TBX5: variants seen among roughly 807,000 people sequenced by gnomAD.
TBX5 encodes T-box transcription factor TBX5.
TBX5 carries 8 observed loss-of-function variants against 51.1 expected under a neutral mutation model. The ratio of observed to expected loss-of-function variants is 0.16; its 90% CI spans 0.09 to 0.28. The LOEUF (loss-of-function observed/expected upper bound fraction) is 0.28, where lower values mean the gene tolerates loss of function less well. Ranked by LOEUF, TBX5 falls within the 10% of genes least tolerant of loss-of-function variation. TBX5 has a pLI of 1.00. For missense variants in TBX5, 589 were observed against 671.7 expected (o/e 0.88, Z 1.36); for synonymous variants, 302 against 266.4 (o/e 1.13, Z -1.30).
intron 7 of TBX5, among the ~76,000 whole-genome samples, chr12:114,370,068 A>T (rs1301696467): frequency 2.6e-5 from 4 of 151,980 alleles, no homozygotes; most frequent in Admixed American, 2.6e-4. Context: ...CAGTCTGGTC[A>T]ACATGACGAA....
chr12:114,403,602 A>G, intron 2 of TBX5, 150 bp downstream of exon 2: 2 of 1,238,506 alleles, frequency 1.6e-6, no homozygotes, highest in South Asian at 1.5e-5. Flanking sequence ...GAGTGGGAAT[A>G]AAAAGGAAAA....
At chr12:114,407,990 T>G (rs1030988532), upstream of TBX5, 23 of 985,228 alleles carry the variant, frequency 2.3e-5, no homozygotes, top group Non-Finnish European at 2.7e-5. Context: ...TGGTTTGTGG[T>G]CTCCGACAAA....
At chr12:114,396,239 G>A (rs556511011) in intron 5 of TBX5, among the ~76,000 whole-genome samples, 1 of 151,852 alleles carries the variant, frequency 6.6e-6, no homozygotes, top group African/African-American at 2.4e-5. Context: ...GCCGTGGCCC[G>A]GCCGCCTCCC....
intron 6 of TBX5, among the ~76,000 whole-genome samples, chr12:114,390,909 T>C (rs1416663354): frequency 6.6e-6 from 1 of 152,200 alleles, no homozygotes. Context: ...TTTAAATATC[T>C]TTTTTAAGCT....
At chr12:114,381,928 A>C (rs1309873437) in intron 7 of TBX5, among the ~76,000 whole-genome samples, 4 of 152,208 alleles carry the variant, frequency 2.6e-5, no homozygotes, top group Non-Finnish European at 5.9e-5. Flanking sequence ...GGTTTGACTC[A>C]ACATGTCAAT....
chr12:114,397,058 C>T (rs1871471322), intron 5 of TBX5, among the ~76,000 whole-genome samples: 2 of 152,160 alleles, frequency 1.3e-5, no homozygotes, highest in South Asian at 2.1e-4. Flanking sequence ...GATCCTCTTC[C>T]CATCCCAGAT....
chr12:114,393,715 T>G (rs1871276385), intron 6 of TBX5, among the ~76,000 whole-genome samples: 1 of 152,080 alleles, frequency 6.6e-6, no homozygotes, highest in East Asian at 1.9e-4. Flanking sequence ...GGGTCTGACT[T>G]TCACACAATC....
upstream of TBX5, chr12:114,408,307 T>G: frequency 1.3e-6 from 1 of 762,844 alleles, no homozygotes; most frequent in Non-Finnish European, 1.6e-6. Flanking sequence ...AAGACACAAA[T>G]AGAGCCAAGA....
chr12:114,407,109 CTGTGTAA>C, upstream of TBX5: 1 of 985,360 alleles, frequency 1.0e-6, no homozygotes, highest in Non-Finnish European at 1.2e-6. Flanking sequence ...AGGTCAGCAG[CTGTGTAA>C]CCCTCTGTGA....
At chr12:114,394,483 C>A (rs553284895) in intron 6 of TBX5, among the ~76,000 whole-genome samples, 1 of 152,116 alleles carries the variant, frequency 6.6e-6, no homozygotes, top group Non-Finnish European at 1.5e-5. Flanking sequence ...GTGTGTGGCC[C>A]ATCTATGGTT....
rs1442553793 is a variant in TBX5 at position 114,398,579 on chromosome 12, A to T, written c.504T>A (p.Phe168Leu). 1 of 1,613,290 alleles carries T rather than the reference A, an allele frequency of 6.2e-7. No homozygotes were observed. The highest frequency in any genetic ancestry group is 8.5e-7 in the Non-Finnish European group (1 of 1,179,744). The change falls in exon 5 of 9, where the codon TTT (phenylalanine) becomes TTA (leucine). Residue 168 changes from phenylalanine to leucine, a missense_variant. Physicochemically the swap from Phe to Leu is conservative, Grantham distance 22. Around this residue, in one of 7 missense-constraint regions of TBX5, gnomAD observed 20 missense variants for 50.9 expected, o/e 0.39. Coordinates refer to ENST00000405440, the MANE Select transcript of TBX5 (RefSeq NM_181486.4). ...LKLTNNHLDPFGHIILNSMHK... is the reference protein window; with the variant it reads ...LKLTNNHLDPLGHIILNSMHK... Reference sequence around the variant, plus strand: ...TCCAGGCCACGGTACTCACATGCCCAAATGGGTCCAGGTGGTTGTTGGTGA... The same window carrying T: ...TCCAGGCCACGGTACTCACATGCCCTAATGGGTCCAGGTGGTTGTTGGTGA...
intron 8 of TBX5, among the ~76,000 whole-genome samples, chr12:114,363,849 A>C (rs1478119860): frequency 2.6e-5 from 4 of 152,242 alleles, no homozygotes; most frequent in African/African-American, 7.2e-5. Context: ...AATATAAAAC[A>C]GAATCTCTAT....
chr12:114,381,981 C>A (rs936458556), intron 7 of TBX5, among the ~76,000 whole-genome samples: 1 of 152,208 alleles, frequency 6.6e-6, no homozygotes, highest in Non-Finnish European at 1.5e-5. Context: ...TTCCTCCATT[C>A]CATCTGCAAA....
chr12:114,375,187 G>A (rs138027150), intron 7 of TBX5, among the ~76,000 whole-genome samples: 11 of 152,302 alleles, frequency 7.2e-5, no homozygotes, highest in Admixed American at 1.3e-4. Flanking sequence ...ATACAATCAC[G>A]TGTTCATCTG....
At chr12:114,380,457 C>T (rs1426435008) in intron 7 of TBX5, among the ~76,000 whole-genome samples, 2 of 152,186 alleles carry the variant, frequency 1.3e-5, no homozygotes, top group African/African-American at 4.8e-5. Context: ...TCAGCCTTAA[C>T]TCCCCTCCCT....
intron 7 of TBX5, among the ~76,000 whole-genome samples, chr12:114,372,405 A>G (rs750902903): frequency 5.3e-5 from 8 of 152,012 alleles, no homozygotes; most frequent in Non-Finnish European, 1.0e-4. Flanking sequence ...CCTGGGCTCA[A>G]GGGGTCCTCC....
At chr12:114,388,675 C>CGTGTGTGT (rs59385091) in intron 6 of TBX5, among the ~76,000 whole-genome samples, 33 of 124,404 alleles carry the variant, frequency 2.7e-4, no homozygotes, top group South Asian at 5.8e-4. Flanking sequence ...TTAAAGTATC[C>CGTGTGTGT]GTGTGTGTGT....
chr12:114,375,765 A>G (rs1870152505), intron 7 of TBX5, among the ~76,000 whole-genome samples: 1 of 152,178 alleles, frequency 6.6e-6, no homozygotes, highest in South Asian at 2.1e-4. Context: ...ACTATCAGCC[A>G]GGTGCAGTGG....
chr12:114,363,380 C>A (rs915960624), intron 8 of TBX5, among the ~76,000 whole-genome samples: 1 of 152,140 alleles, frequency 6.6e-6, no homozygotes, highest in African/African-American at 2.4e-5. Flanking sequence ...GTTTGTGAAC[C>A]GTGCATTCAA....
Sources: allele counts gnomAD v4.1 joint callset (sites outside exome capture counted in the v4.1 genomes callset), GRCh38; gene constraint gnomAD v4.1.1; regional missense constraint gnomAD v4.1.1; transcripts MANE v1.5; gene names NCBI Gene and HGNC (gene_info 2026-07-23, HGNC 2026-07-21).